The following MYH10 variants were observed in gnomAD, a reference collection of about 807,000 sequenced individuals.
MYH10 encodes myosin heavy chain 10.
In MYH10, 55 loss-of-function variants were observed where a neutral mutation model predicts 257.8. The ratio of observed to expected loss-of-function variants is 0.21; its 90% CI spans 0.17 to 0.27. The LOEUF (loss-of-function observed/expected upper bound fraction) is 0.27. MYH10 is among the 10% of genes least tolerant of loss of function. The probability of loss-of-function intolerance (pLI) is 1.00; values close to 1 mark genes in which losing one functional copy is unlikely to be tolerated. For missense variants in MYH10, 1,631 were observed against 2,500.6 expected (o/e 0.65, Z 7.42); for synonymous variants, 854 against 921.7 (o/e 0.93, Z 1.33).
At chr17:8,582,273 A>G (rs1171499055) in intron 4 of MYH10, among the ~76,000 whole-genome samples, 1 of 152,208 alleles carries the variant, frequency 6.6e-6, no homozygotes, top group Non-Finnish European at 1.5e-5. Context: ...CCAAAAAGAA[A>G]GCTCAGCAGA....
intron 17 of MYH10, among the ~76,000 whole-genome samples, chr17:8,524,745 T>C (rs1038394906): frequency 3.9e-5 from 6 of 152,238 alleles, no homozygotes; most frequent in African/African-American, 9.6e-5. Context: ...TTTACACCTT[T>C]TGTCCCTGTG....
intron 6 of MYH10, among the ~76,000 whole-genome samples, chr17:8,572,920 G>C (rs2083394431): frequency 6.6e-6 from 1 of 152,140 alleles, no homozygotes; most frequent in African/African-American, 2.4e-5. Context: ...TAGATAAATG[G>C]TGCTAACAGA....
intron 24 of MYH10, among the ~76,000 whole-genome samples, chr17:8,512,089 TA>T (rs1224486186): frequency 6.6e-6 from 1 of 152,198 alleles, no homozygotes; most frequent in Non-Finnish European, 1.5e-5. Flanking sequence ...AACCACGTAG[TA>T]GATGTCTATC....
intron 4 of MYH10, among the ~76,000 whole-genome samples, chr17:8,583,502 T>C (rs749046839): frequency 6.6e-6 from 1 of 152,118 alleles, no homozygotes. Context: ...ATAGTTATTC[T>C]CATATGGCAA....
rs1915552440 is a variant in MYH10 at position 8,490,232 on chromosome 17, T to G, written c.4884+108A>C. 2 of 896,128 alleles carry G rather than the reference T, an allele frequency of 2.2e-6. No homozygotes were observed. Among genetic ancestry groups the G allele is most frequent in the African/African-American group, 1.7e-5 (1 of 60,444 alleles). The allele number at this position is 896,128 out of a possible 1,614,324, so 55.5% of individuals were successfully genotyped here. ...AAATTCATTTTACTCTATGTGTTACTCTGTGTTTACTCAGATGTGTTCTAA... is the reference window on the plus strand; with the variant it reads ...AAATTCATTTTACTCTATGTGTTACGCTGTGTTTACTCAGATGTGTTCTAA... On this transcript the variant is annotated intron_variant, in intron 35 of 42. Coordinates refer to ENST00000360416, the MANE Select transcript of MYH10 (RefSeq NM_001256012.3). The surrounding 1 kb of genome is among the most constrained non-coding windows in gnomAD (Gnocchi z 4.1).
In MYH10 at chr17:8,490,829, TCAGTGAGCCAAAGA is replaced by T. The variant is rs770213260; in HGVS notation, c.4672-291_4672-278del. Among the ~76,000 whole-genome samples the T allele has an allele frequency of 5.3e-5, 8 of 152,184 alleles. No homozygotes were observed. Among genetic ancestry groups the T allele is most frequent in the Non-Finnish European group, 1.2e-4 (8 of 68,032 alleles). On this transcript the variant is annotated intron_variant, in intron 34 of 42. Coordinates refer to ENST00000360416, the MANE Select transcript of MYH10 (RefSeq NM_001256012.3). The surrounding 1 kb of genome is among the most constrained non-coding windows in gnomAD (Gnocchi z 4.1). ...TGATGACCTTTAAGCTGAGAGCTCTTCAGTGAGCCAAAGAACAAAGGAAACAGCCATGTCAGGGA... is the reference window on the plus strand; with the variant it reads ...TGATGACCTTTAAGCTGAGAGCTCTTACAAAGGAAACAGCCATGTCAGGGA...
chr17:8,569,717 T>C lies in MYH10; in HGVS notation c.756+3A>G. Reference sequence around the variant, plus strand: ...TAAAAGCTTCTGGTGCTTTGAAACTTACAAAACGAGATGAGTTATCATTTT... The same window carrying C: ...TAAAAGCTTCTGGTGCTTTGAAACTCACAAAACGAGATGAGTTATCATTTT... On this transcript the variant is annotated splice_donor_region_variant and intron_variant, in intron 7 of 42. Coordinates refer to ENST00000360416, the MANE Select transcript of MYH10 (RefSeq NM_001256012.3). The surrounding 1 kb of genome is among the most constrained non-coding windows in gnomAD (Gnocchi z 4.1). 1 of 1,597,192 alleles carries C rather than the reference T, an allele frequency of 6.3e-7. No individual in the cohort carries two copies. Among genetic ancestry groups the C allele is most frequent in the Non-Finnish European group, 8.6e-7 (1 of 1,168,312 alleles).
intron 26 of MYH10, among the ~76,000 whole-genome samples, chr17:8,507,631 C>A (rs1292817000): frequency 2.6e-5 from 4 of 152,222 alleles, no homozygotes; most frequent in Non-Finnish European, 4.4e-5. Context: ...TAACCCCAAC[C>A]ATGCCCACCA....
intron 16 of MYH10, among the ~76,000 whole-genome samples, chr17:8,532,001 C>A (rs983369125): frequency 5.9e-5 from 9 of 152,128 alleles, no homozygotes; most frequent in African/African-American, 2.2e-4. Flanking sequence ...CAAAATTGGA[C>A]AAACATGGTA....
At chr17:8,568,439 G>T (rs750055937) in intron 7 of MYH10, among the ~76,000 whole-genome samples, 2 of 151,918 alleles carry the variant, frequency 1.3e-5, no homozygotes, top group Non-Finnish European at 2.9e-5. Flanking sequence ...CACACCATCG[G>T]TAAATTAATG....
At position 8,535,190 on chromosome 17, in the gene MYH10, T is replaced by TTAACCCAA; in HGVS notation, c.1894+196_1894+197insTTGGGTTA. Among the ~76,000 whole-genome samples, 1 of 152,356 alleles carries TTAACCCAA rather than the reference T, an allele frequency of 6.6e-6. No individual in the cohort carries two copies. Among genetic ancestry groups the TTAACCCAA allele is most frequent in the East Asian group, 1.9e-4 (1 of 5,192 alleles). ...TACAACATCTGACCAAGAAGGTAGC[T>TTAACCCAA]GTCTCTGTATTCATTTCTTAACCCA... is the stretch of plus-strand genomic sequence containing the variant. On this transcript the variant is annotated intron_variant, in intron 16 of 42. Transcript: ENST00000360416. The surrounding 1 kb of genome is among the most constrained non-coding windows in gnomAD (Gnocchi z 4.3).
chr17:8,595,983 AT>A (rs1357963937), intron 3 of MYH10, among the ~76,000 whole-genome samples: 3 of 152,190 alleles, frequency 2.0e-5, no homozygotes, highest in Admixed American at 2.0e-4. Context: ...TTTTGTATGT[AT>A]TTGGCTGAGG....
intron 35 of MYH10, among the ~76,000 whole-genome samples, chr17:8,489,722 C>T (rs920504174): frequency 2.3e-4 from 35 of 150,438 alleles, no homozygotes; most frequent in Admixed American, 4.6e-4. Context: ...CACACACACA[C>T]ACACACACAC....
At chr17:8,546,516 C>A in intron 12 of MYH10, 28 bp downstream of exon 12, 1 of 1,560,296 alleles carries the variant, frequency 6.4e-7, no homozygotes, top group Non-Finnish European at 8.8e-7. Context: ...TCAAACAAAT[C>A]AGTAATAACA....
chr17:8,493,988 G>T lies in MYH10; in HGVS notation c.4057-103C>A, dbSNP rs570032863. ...GTCGTACAAAAGAGACAGCCTCAAT[G>T]CATGAGAACGCCCAGTGACATTAAC... On this transcript the variant is annotated intron_variant, in intron 31 of 42. Transcript: ENST00000360416. 1.4e-5 allele frequency: 18 copies of T among 1,268,474 alleles called. No individual in the cohort carries two copies. In the South Asian group the frequency reaches 2.1e-4, roughly 15 times the overall value. 78.6% of individuals were successfully genotyped at this position (1,268,474 alleles called of 1,614,324 possible).
chr17:8,501,250 G>A (rs1917461374), intron 28 of MYH10, among the ~76,000 whole-genome samples: 1 of 151,940 alleles, frequency 6.6e-6, no homozygotes. Flanking sequence ...CTATGATTGC[G>A]CCACTGCACG....
chr17:8,503,300 A>AAAAAC (rs2080965479), intron 28 of MYH10, among the ~76,000 whole-genome samples: 1 of 150,364 alleles, frequency 6.7e-6, no homozygotes, highest in African/African-American at 2.5e-5. Context: ...ATATAAAATA[A>AAAAAC]AAAATAAAAT....
chr17:8,581,173 C>T (rs2083691548), intron 4 of MYH10, among the ~76,000 whole-genome samples: 1 of 151,976 alleles, frequency 6.6e-6, no homozygotes, highest in Admixed American at 6.6e-5. Flanking sequence ...GGAGGGGTGC[C>T]ATGGACCCTG....
chr17:8,523,410 A>T (rs1451820815), intron 17 of MYH10, among the ~76,000 whole-genome samples: 1 of 152,264 alleles, frequency 6.6e-6, no homozygotes, highest in African/African-American at 2.4e-5. Flanking sequence ...AAAGAAAATA[A>T]CAGGATGCCA....
Sources: allele counts gnomAD v4.1 joint callset (sites outside exome capture counted in the v4.1 genomes callset), GRCh38; gene constraint gnomAD v4.1.1; non-coding constraint Gnocchi (gnomAD v3.1); transcripts MANE v1.5; gene names NCBI Gene and HGNC (gene_info 2026-07-23, HGNC 2026-07-21).